REDIC1: variants seen among roughly 807,000 people sequenced by gnomAD.
REDIC1 encodes HEI10 Interacting Protein 1.
the REDIC1 span, chr12:39,871,797 C>T: frequency 6.3e-7 from 1 of 1,595,718 alleles, no homozygotes; most frequent in Non-Finnish European, 8.5e-7. Flanking sequence ...CAGCCACCTA[C>T]CTGCTAAACT....
chr12:39,832,942 C>T, the REDIC1 span, among the ~76,000 whole-genome samples: 1 of 152,084 alleles, frequency 6.6e-6, no homozygotes, highest in African/African-American at 2.4e-5. Context: ...TTCATGATCA[C>T]CAGCCTCAAA....
At chr12:39,735,756 G>A in the REDIC1 span, among the ~76,000 whole-genome samples, 2 of 152,202 alleles carry the variant, frequency 1.3e-5, no homozygotes, top group Non-Finnish European at 2.9e-5. Flanking sequence ...GGATCTTGAG[G>A]CACATGCATT....
chr12:39,738,428 G>C, the REDIC1 span, among the ~76,000 whole-genome samples: 1 of 152,196 alleles, frequency 6.6e-6, no homozygotes, highest in African/African-American at 2.4e-5. Context: ...AACCAAGGGA[G>C]CTGTATTTGA....
chr12:39,755,370 A>C, the REDIC1 span: 1 of 152,094 alleles, frequency 6.6e-6, no homozygotes, highest in Non-Finnish European at 1.5e-5. Context: ...AGTTTGAAAT[A>C]CATATATTTT....
At chr12:39,654,392 CCTGA>C in the REDIC1 span, among the ~76,000 whole-genome samples, 3 of 151,938 alleles carry the variant, frequency 2.0e-5, no homozygotes, top group African/African-American at 4.8e-5. Context: ...TCGAGATCAT[CCTGA>C]CTAACACAGT....
At chr12:39,879,481 C>A in the REDIC1 span, among the ~76,000 whole-genome samples, 552 of 152,358 alleles carry the variant, frequency 3.6e-3, 1 homozygote, top group African/African-American at 0.012. Context: ...CCAGCCCTTG[C>A]ATCAGTGTTC....
the REDIC1 span, among the ~76,000 whole-genome samples, chr12:39,810,995 G>A: frequency 6.6e-6 from 1 of 152,050 alleles, no homozygotes; most frequent in African/African-American, 2.4e-5. Context: ...AGTTTATATA[G>A]GATTGGCATT....
chr12:39,734,927 G>T, the REDIC1 span, among the ~76,000 whole-genome samples: 1 of 152,196 alleles, frequency 6.6e-6, no homozygotes, highest in African/African-American at 2.4e-5. Flanking sequence ...ATTTGGAGAA[G>T]AACTGATATC....
the REDIC1 span, among the ~76,000 whole-genome samples, chr12:39,849,815 C>T: frequency 6.6e-6 from 1 of 152,016 alleles, no homozygotes; most frequent in Non-Finnish European, 1.5e-5. Flanking sequence ...CATAAAAATC[C>T]TACCTTACTT....
the REDIC1 span, among the ~76,000 whole-genome samples, chr12:39,875,269 AG>A: frequency 6.6e-6 from 1 of 152,130 alleles, no homozygotes; most frequent in Non-Finnish European, 1.5e-5. Context: ...CAGCTTTTAG[AG>A]GTCTCCTAAT....
At chr12:39,793,743 C>T in the REDIC1 span, among the ~76,000 whole-genome samples, 1 of 152,224 alleles carries the variant, frequency 6.6e-6, no homozygotes, top group Non-Finnish European at 1.5e-5. Flanking sequence ...TATTCATGCA[C>T]CTGCTTTTCC....
the REDIC1 span, among the ~76,000 whole-genome samples, chr12:39,793,291 A>T: frequency 6.6e-6 from 1 of 152,156 alleles, no homozygotes; most frequent in East Asian, 1.9e-4. Context: ...GACGTGCAAA[A>T]TTGTACATTA....
the REDIC1 span, among the ~76,000 whole-genome samples, chr12:39,807,780 C>T: frequency 6.6e-6 from 1 of 152,054 alleles, no homozygotes; most frequent in African/African-American, 2.4e-5. Context: ...GTCTTCTCCC[C>T]CTAGGTGAGT....
At chr12:39,851,480 G>T in the REDIC1 span, among the ~76,000 whole-genome samples, 15 of 152,124 alleles carry the variant, frequency 9.9e-5, no homozygotes, top group Non-Finnish European at 1.5e-5. Context: ...TAGTGTAAAG[G>T]TTAGTGATTT....
chr12:39,811,179 A>G, the REDIC1 span, among the ~76,000 whole-genome samples: 1 of 152,084 alleles, frequency 6.6e-6, no homozygotes, highest in Non-Finnish European at 1.5e-5. Flanking sequence ...AATTATAATA[A>G]TAGAAAGTTG....
chr12:39,800,451 T>G, the REDIC1 span, among the ~76,000 whole-genome samples: 2 of 142,764 alleles, frequency 1.4e-5, no homozygotes, highest in East Asian at 2.1e-4. Flanking sequence ...GAACAGACAC[T>G]TCTCAAAAGA....
the REDIC1 span, chr12:39,830,392 G>A: frequency 1.5e-6 from 2 of 1,375,994 alleles, no homozygotes; most frequent in Non-Finnish European, 9.4e-7. Flanking sequence ...AGCCAGGTGA[G>A]AGCTGGCTGG....
chr12:39,664,182 G>C, the REDIC1 span, among the ~76,000 whole-genome samples: 1 of 151,262 alleles, frequency 6.6e-6, no homozygotes, highest in Non-Finnish European at 1.5e-5. Context: ...CCATTAACTC[G>C]TCATTTAACA....
At chr12:39,829,855 T>G in the REDIC1 span, 1 of 447,082 alleles carries the variant, frequency 2.2e-6, no homozygotes, top group South Asian at 3.0e-5. Flanking sequence ...AAACTAAAGA[T>G]CCAAACTCCT....
Sources: allele counts gnomAD v4.1 joint callset (sites outside exome capture counted in the v4.1 genomes callset), GRCh38; gene constraint gnomAD v4.1.1; transcripts MANE v1.5; gene names NCBI Gene and HGNC (gene_info 2026-07-23, HGNC 2026-07-21).